Variants in MMS22L observed in about 807,000 individuals in gnomAD.
The protein encoded by MMS22L is MMS22 like, DNA repair protein.
Under a neutral mutation model 159.1 loss-of-function variants are expected in MMS22L, and 74 were observed. That is an observed-to-expected ratio of 0.47 (90% CI 0.39 to 0.56). MMS22L has a LOEUF of 0.56. MMS22L is among the 20% of genes least tolerant of loss of function. The pLI, the probability that MMS22L is intolerant of heterozygous loss-of-function variation, is 0.00. For missense variants in MMS22L, 1,351 were observed against 1,422.1 expected, an observed-to-expected ratio of 0.95 and a Z score of 0.80; for synonymous variants, 517 against 506.9, an observed-to-expected ratio of 1.02 and a Z score of -0.27.
At chr6:97,175,854 A>AT (rs1470671924) in intron 18 of MMS22L, among the ~76,000 whole-genome samples, 1 of 152,168 alleles carries the variant, frequency 6.6e-6, no homozygotes, top group Non-Finnish European at 1.5e-5. Context: ...CACTTCATTC[A>AT]TTTTTTGAGA....
intron 10 of MMS22L, among the ~76,000 whole-genome samples, chr6:97,253,233 T>C (rs982933581): frequency 1.3e-5 from 2 of 152,160 alleles, no homozygotes; most frequent in African/African-American, 4.8e-5. Context: ...TCCATTTCTA[T>C]GATGCTATAT....
intron 14 of MMS22L, among the ~76,000 whole-genome samples, chr6:97,207,616 A>T (rs1807919806): frequency 6.6e-6 from 1 of 152,154 alleles, no homozygotes; most frequent in Non-Finnish European, 1.5e-5. Context: ...TCTTCCAGTC[A>T]CAGGAAGATT....
chr6:97,181,368 G>C (rs1263977228), intron 16 of MMS22L, among the ~76,000 whole-genome samples: 1 of 151,546 alleles, frequency 6.6e-6, no homozygotes, highest in Non-Finnish European at 1.5e-5. Context: ...TTTCCAATGA[G>C]GTTCCTCAGA....
intron 11 of MMS22L, among the ~76,000 whole-genome samples, chr6:97,235,500 T>C (rs1221945511): frequency 1.3e-5 from 2 of 152,180 alleles, no homozygotes; most frequent in Non-Finnish European, 2.9e-5. Context: ...GGAGAATATA[T>C]GCAAAAACAA....
chr6:97,217,808 G>C (rs1173696525), intron 14 of MMS22L, among the ~76,000 whole-genome samples: 1 of 152,096 alleles, frequency 6.6e-6, no homozygotes, highest in Non-Finnish European at 1.5e-5. Context: ...TGTTGTGCTG[G>C]AGTCACTCAA....
Position 97,150,068 on chromosome 6 carries a change from T to C in MMS22L, c.3483-48A>G, listed in dbSNP as rs1473748443. ...TAGGATTACTCCTGGGGCAATTCCT[T>C]GTGTTGGTATCTACGTGGCAATCAA... On this transcript the variant is annotated intron_variant, in intron 23 of 24. Transcript: ENST00000683635. 5.9e-6 allele frequency: 9 copies of C among 1,515,284 alleles called. No individual in the cohort carries two copies. In the African/African-American group the frequency reaches 1.1e-4, roughly 19 times the overall value. The allele number at this position is 1,515,284 out of a possible 1,614,324, so 93.9% of individuals were successfully genotyped here.
chr6:97,153,533 G>A (rs1415689188), intron 22 of MMS22L, among the ~76,000 whole-genome samples: 6 of 151,638 alleles, frequency 4.0e-5, no homozygotes, highest in South Asian at 4.2e-4. Context: ...CACCACGCCC[G>A]GCTAATTTTG....
chr6:97,175,657 A>G (rs1014791433), intron 18 of MMS22L, among the ~76,000 whole-genome samples: 9 of 152,120 alleles, frequency 5.9e-5, no homozygotes, highest in Non-Finnish European at 1.2e-4. Context: ...ACACTTCATT[A>G]TTTATATCAG....
intron 2 of MMS22L, among the ~76,000 whole-genome samples, 181 bp downstream of exon 2, chr6:97,282,133 T>A (rs1009781713): frequency 6.6e-6 from 1 of 152,216 alleles, no homozygotes; most frequent in Admixed American, 6.5e-5. Context: ...CCAAATACTT[T>A]AGATATGCCC....
intron 10 of MMS22L, among the ~76,000 whole-genome samples, chr6:97,248,108 T>C (rs1220732401): frequency 2.6e-5 from 4 of 152,250 alleles, no homozygotes; most frequent in African/African-American, 9.6e-5. Flanking sequence ...AGTGATAGTA[T>C]GTCACCTCCA....
At chr6:97,263,208 G>T (rs1440606911) in intron 9 of MMS22L, 127 bp downstream of exon 9, 2 of 605,258 alleles carry the variant, frequency 3.3e-6, no homozygotes, top group East Asian at 6.4e-5. Context: ...CTCAGTTATT[G>T]CTCTATTGGT....
chr6:97,236,545 C>G (rs1004098389), intron 11 of MMS22L, among the ~76,000 whole-genome samples: 1 of 152,032 alleles, frequency 6.6e-6, no homozygotes, highest in African/African-American at 2.4e-5. Context: ...ATGGTTAAAA[C>G]AAGTTAAGGG....
chr6:97,236,057 G>A (rs1811363606), intron 11 of MMS22L, among the ~76,000 whole-genome samples: 1 of 152,150 alleles, frequency 6.6e-6, no homozygotes, highest in African/African-American at 2.4e-5. Context: ...GCCAGGCACG[G>A]TGGTTCACAC....
intron 22 of MMS22L, among the ~76,000 whole-genome samples, chr6:97,157,174 C>A (rs1026872219): frequency 2.0e-5 from 3 of 152,120 alleles, no homozygotes; most frequent in African/African-American, 7.2e-5. Flanking sequence ...ATTTTGTATC[C>A]TGAGACTTTG....
chr6:97,188,227 C>T lies in MMS22L; in HGVS notation c.2040-1537G>A, dbSNP rs4839900. Among the ~76,000 whole-genome samples, 1,047 of 152,286 alleles carry T rather than the reference C, an allele frequency of 6.9e-3. 40 individuals carry two copies. The highest frequency in any genetic ancestry group is 0.063 in the Admixed American group (967 of 15,296). ...ACAGTGGAATCCATGTAAAATAATA[C>T]CACCATTTCTACTGCCCTTTATAGC... On this transcript the variant is annotated intron_variant, in intron 14 of 24. Coordinates refer to ENST00000683635, the MANE Select transcript of MMS22L (RefSeq NM_001350599.2).
At chr6:97,200,734 G>GC (rs1807051353) in intron 14 of MMS22L, among the ~76,000 whole-genome samples, 1 of 152,092 alleles carries the variant, frequency 6.6e-6, no homozygotes, top group Non-Finnish European at 1.5e-5. Flanking sequence ...GTATGAATGT[G>GC]CAACAGTGCT....
intron 22 of MMS22L, among the ~76,000 whole-genome samples, chr6:97,153,186 T>A (rs891372681): frequency 2.0e-5 from 3 of 152,036 alleles, no homozygotes; most frequent in African/African-American, 7.3e-5. Context: ...ATAATTCACA[T>A]ACTATATAGT....
chr6:97,162,016 A>C lies in MMS22L; in HGVS notation c.3371T>G (p.Val1124Gly). The change falls in exon 22 of 25, where the codon GTC (valine) becomes GGC (glycine). Residue 1124 changes from valine to glycine, a missense_variant. Physicochemically the swap from Val to Gly is moderately radical, Grantham distance 109. Coordinates refer to ENST00000683635, the MANE Select transcript of MMS22L (RefSeq NM_001350599.2). ...TACAAACAAACCTTGTGGTTCACTG[A>C]CTAACACCAAGCATTTTAAAATGCC... The part of the protein sequence containing the change: ...LPGILKCLVL[V>G]SEPQVKRLAT... 6.2e-7 allele frequency: 1 copy of C among 1,610,428 alleles called. No individual in the cohort carries two copies. Among genetic ancestry groups the C allele is most frequent in the South Asian group, 1.1e-5 (1 of 90,218 alleles).
intron 22 of MMS22L, among the ~76,000 whole-genome samples, chr6:97,156,618 G>T (rs1373354753): frequency 2.6e-5 from 4 of 152,090 alleles, no homozygotes; most frequent in Non-Finnish European, 4.4e-5. Context: ...AAGATCAGAT[G>T]GTTGTAGATG....
Sources: gnomAD v4.1 joint callset for allele counts (sites outside exome capture counted in the v4.1 genomes callset) on GRCh38, gnomAD v4.1.1 for gene constraint, MANE v1.5 for transcripts, NCBI Gene and HGNC (gene_info 2026-07-23, HGNC 2026-07-21) for gene names.